SH3TC2: variants seen among roughly 807,000 people sequenced by gnomAD.
The protein encoded by SH3TC2 is SH3 domain and tetratricopeptide repeat-containing protein 2.
Under a neutral mutation model 124.5 loss-of-function variants are expected in SH3TC2, and 87 were observed. That is an observed-to-expected ratio of 0.70 (90% CI 0.59 to 0.84). The LOEUF (loss-of-function observed/expected upper bound fraction) is 0.84. SH3TC2 is among the 40% of genes least tolerant of loss of function. SH3TC2 has a pLI of 0.00. For missense variants in SH3TC2, 1,536 were observed against 1,566.4 expected (o/e 0.98, Z 0.33); for synonymous variants, 634 against 628.5 (o/e 1.01, Z -0.13).
chr5:149,038,559 G>T (rs1754321498), intron 7 of SH3TC2, 69 bp from the exon 8 acceptor site: 2 of 1,513,158 alleles, frequency 1.3e-6, no homozygotes, highest in Admixed American at 1.7e-5. Context: ...ACCTTCCAAT[G>T]CAATAGAAAA....
rs1467302628 is a variant in SH3TC2 at position 148,998,799 on chromosome 5, TC to T, written c.*5911del. On this transcript the variant is annotated 3_prime_UTR_variant, in exon 17 of 17. Transcript: ENST00000515425. ...AGTGCACATTCCCAGAGCCAGCACTTCCAGCAGCCTCCATCCTCAAGTCCCC... is the reference window on the plus strand; with the variant it reads ...AGTGCACATTCCCAGAGCCAGCACTTCAGCAGCCTCCATCCTCAAGTCCCC... 1.3e-5 allele frequency among the ~76,000 whole-genome samples: 2 copies of T among 152,238 alleles called. No individual in the cohort carries two copies. Among genetic ancestry groups the T allele is most frequent in the Non-Finnish European group, 2.9e-5 (2 of 67,996 alleles).
rs752010913 is a variant in SH3TC2 at position 149,010,385 on chromosome 5, A to G, written c.3212T>C (p.Ile1071Thr). The G allele has an allele frequency of 3.1e-6, 5 of 1,613,894 alleles. No individual in the cohort carries two copies. The Admixed American group carries it at 8.3e-5, about 27-fold the overall frequency. Residue 1071 changes from isoleucine (I) to threonine (T), a missense_variant, in exon 14 of 17, where the codon ATC (isoleucine) becomes ACC (threonine). Physicochemically the swap from Ile to Thr is moderately conservative, Grantham distance 89 (BLOSUM62 -1). Around this residue, in one of 3 missense-constraint regions of SH3TC2, gnomAD observed 426 missense variants for 443.5 expected, o/e 0.96. Coordinates refer to ENST00000515425, the MANE Select transcript of SH3TC2 (RefSeq NM_024577.4). ...CTCCTCTGACTTCAGGGCTGTCTGG[A>G]TGGCTGCCTAGGTGGGACAGAGACA... ...ELVELCLQAA[I>T]QTALKSEEPL...
chr5:149,022,676 T>C (rs1753994923), intron 12 of SH3TC2, among the ~76,000 whole-genome samples: 1 of 152,252 alleles, frequency 6.6e-6, no homozygotes, highest in South Asian at 2.1e-4. Flanking sequence ...ACAAATGTAG[T>C]ATATCAGTAC....
At chr5:149,058,851 G>C (rs1394140704) in intron 1 of SH3TC2, among the ~76,000 whole-genome samples, 1 of 152,122 alleles carries the variant, frequency 6.6e-6, no homozygotes, top group African/African-American at 2.4e-5. Flanking sequence ...AAATATTCTT[G>C]AGCATGGCAA....
At position 148,993,548 on chromosome 5, in the gene SH3TC2, G is replaced by A. The variant is rs1381705183; in HGVS notation, c.*11163C>T. On this transcript the variant is annotated 3_prime_UTR_variant, in exon 17 of 17. Transcript: ENST00000515425. ...AGCCATTATTGGTGTTTTTAATGTT[G>A]TAGTTATAAGCATGGAGTCAAAACA... 2.0e-5 allele frequency among the ~76,000 whole-genome samples: 3 copies of A among 152,126 alleles called. No homozygotes were observed. Among genetic ancestry groups the A allele is most frequent in the African/African-American group, 7.2e-5 (3 of 41,420 alleles).
intron 1 of SH3TC2, among the ~76,000 whole-genome samples, chr5:149,054,190 T>C (rs1754604139): frequency 6.6e-6 from 1 of 152,084 alleles, no homozygotes. Context: ...CCCACAAAAA[T>C]TAAAAATAAT....
chr5:149,036,411 C>T (rs1283333884), intron 8 of SH3TC2, among the ~76,000 whole-genome samples: 3 of 152,178 alleles, frequency 2.0e-5, no homozygotes, highest in Non-Finnish European at 4.4e-5. Context: ...TCTGTGGCTC[C>T]TCTGTTTCCT....
intron 1 of SH3TC2, among the ~76,000 whole-genome samples, chr5:149,053,454 G>A (rs141699998): frequency 9.6e-4 from 147 of 152,338 alleles, no homozygotes; most frequent in Non-Finnish European, 1.8e-3. Flanking sequence ...AGAAGCAGGG[G>A]CCTGTCAGCT....
intron 1 of SH3TC2, among the ~76,000 whole-genome samples, chr5:149,062,025 A>G (rs1580923647): frequency 6.6e-6 from 1 of 152,154 alleles, no homozygotes; most frequent in Non-Finnish European, 1.5e-5. Flanking sequence ...TACAAGCCCA[A>G]GTCATAAGAC....
intron 15 of SH3TC2, 97 bp from the exon 16 acceptor site, chr5:149,007,174 A>G (rs998252293): frequency 1.7e-6 from 2 of 1,147,694 alleles, no homozygotes; most frequent in Admixed American, 1.8e-5. Context: ...GGTCTACTAG[A>G]TGTCAGGGAC....
rs892518836 is a variant in SH3TC2 at position 148,989,719 on chromosome 5, C to A, written c.*14992G>T. Among the ~76,000 whole-genome samples the A allele has an allele frequency of 6.6e-6, 1 of 152,136 alleles. No homozygotes were observed. Among genetic ancestry groups the A allele is most frequent in the Non-Finnish European group, 1.5e-5 (1 of 68,032 alleles). ...TCTTCCAGAACATGAATACTGGAAC[C>A]ACTCATTCAAGGGGATCTGGAGAGT... On this transcript the variant is annotated 3_prime_UTR_variant, in exon 17 of 17. Coordinates refer to ENST00000515425, the MANE Select transcript of SH3TC2 (RefSeq NM_024577.4).
At position 149,028,026 on chromosome 5, in the gene SH3TC2, G is replaced by T; in HGVS notation, c.1706C>A (p.Ala569Asp). ...NGAFEDLSLVATLYINLAAIY... is the reference protein window; with the variant it reads ...NGAFEDLSLVDTLYINLAAIY... ...GGCAGCCAAATTGATGTACAGAGTG[G>T]CCACCAAGGATAGGTCCTCAAATGC... Residue 569 changes from alanine (A) to aspartate (D), a missense_variant, in exon 11 of 17, where the codon GCC becomes GAC. Physicochemically the swap from Ala to Asp is moderately radical, Grantham distance 126. Around this residue, in one of 3 missense-constraint regions of SH3TC2, gnomAD observed 1,102 missense variants for 1,098.6 expected, o/e 1.00. Coordinates refer to ENST00000515425, the MANE Select transcript of SH3TC2 (RefSeq NM_024577.4). 4 of 1,614,132 alleles carry T rather than the reference G, an allele frequency of 2.5e-6. No individual in the cohort carries two copies. Among genetic ancestry groups the T allele is most frequent in the Non-Finnish European group, 2.5e-6 (3 of 1,180,038 alleles).
Position 148,984,258 on chromosome 5 carries a change from G to A in SH3TC2, c.*20453C>T, listed in dbSNP as rs1753298601. Among the ~76,000 whole-genome samples the A allele has an allele frequency of 6.6e-6, 1 of 151,892 alleles. No individual in the cohort carries two copies. Among genetic ancestry groups the A allele is most frequent in the Admixed American group, 6.6e-5 (1 of 15,260 alleles). On this transcript the variant is annotated 3_prime_UTR_variant, in exon 17 of 17. Coordinates refer to ENST00000515425, the MANE Select transcript of SH3TC2 (RefSeq NM_024577.4). ...TGTTCCTTCGACTGGATAATTTCAA[G>A]TGTCCTGTCTTTGAGTTCACTTATT...
rs1445335989 is a variant in SH3TC2, at chr5:148,985,916, T to A, written c.*18795A>T. Among the ~76,000 whole-genome samples the A allele has an allele frequency of 6.6e-6, 1 of 152,238 alleles. No individual in the cohort carries two copies. Among genetic ancestry groups the A allele is most frequent in the Non-Finnish European group, 1.5e-5 (1 of 68,032 alleles). On this transcript the variant is annotated 3_prime_UTR_variant, in exon 17 of 17. Coordinates refer to ENST00000515425, the MANE Select transcript of SH3TC2 (RefSeq NM_024577.4). ...CTCCATTAGGGCTCAAAAGACTTCA[T>A]GTCTGTGCTGGGAGCAAAGTAACCT... is the stretch of plus-strand genomic sequence containing the variant.
At position 149,027,964 on chromosome 5, in the gene SH3TC2, C is replaced by T. The variant is rs149244124; in HGVS notation, c.1768G>A (p.Ala590Thr). 1.0e-4 allele frequency: 169 copies of T among 1,614,154 alleles called. No homozygotes were observed. In the African/African-American group the frequency reaches 1.3e-3, roughly 12 times the overall value. The change falls in exon 11 of 17, where the codon GCC (alanine) becomes ACC (threonine). Residue 590 changes from alanine to threonine, a missense_variant. Around this residue, in one of 3 missense-constraint regions of SH3TC2, gnomAD observed 1,102 missense variants for 1,098.6 expected, o/e 1.00. Coordinates refer to ENST00000515425, the MANE Select transcript of SH3TC2 (RefSeq NM_024577.4). ...LKQRLRHKGS[A>T]LLEKAGALLA... is the part of the protein sequence containing the mutation. Reference sequence around the variant, plus strand: ...AGGGCACCTGCCTTTTCCAACAGGGCGGAGCCTTTATGTCTCAGCCTCTGT... The same window carrying T: ...AGGGCACCTGCCTTTTCCAACAGGGTGGAGCCTTTATGTCTCAGCCTCTGT...
chr5:149,011,067 G>T (rs1388489135), intron 13 of SH3TC2, among the ~76,000 whole-genome samples: 1 of 152,198 alleles, frequency 6.6e-6, no homozygotes, highest in Admixed American at 6.5e-5. Flanking sequence ...ATGTGCTAAG[G>T]AAGTTGAAGA....
At chr5:149,061,337 G>A (rs1001830962) in intron 1 of SH3TC2, among the ~76,000 whole-genome samples, 5 of 152,138 alleles carry the variant, frequency 3.3e-5, no homozygotes, top group Non-Finnish European at 5.9e-5. Context: ...AGGAATGAGG[G>A]AACATGAGCA....
intron 12 of SH3TC2, among the ~76,000 whole-genome samples, chr5:149,016,220 G>A (rs915718556): frequency 6.6e-6 from 1 of 152,136 alleles, no homozygotes; most frequent in Non-Finnish European, 1.5e-5. Context: ...GGCTTGGTAA[G>A]GGTAACTATC....
At chr5:149,021,404 A>G (rs571653028) in intron 12 of SH3TC2, among the ~76,000 whole-genome samples, 42 of 152,236 alleles carry the variant, frequency 2.8e-4, no homozygotes, top group African/African-American at 9.6e-4. Context: ...AACCCAAAGC[A>G]AACAGAGGAA....
Sources: allele counts gnomAD v4.1 joint callset (sites outside exome capture counted in the v4.1 genomes callset), GRCh38; gene constraint gnomAD v4.1.1; regional missense constraint gnomAD v4.1.1; transcripts MANE v1.5; gene names NCBI Gene and HGNC (gene_info 2026-07-23, HGNC 2026-07-21).